CSMD1: variants seen among roughly 807,000 people sequenced by gnomAD.
The protein encoded by CSMD1 is CUB and sushi domain-containing protein 1.
A neutral mutation model predicts 417.5 loss-of-function variants in CSMD1; 213 were observed. The observed-to-expected ratio is 0.51, with a 90% CI of 0.46 to 0.57. CSMD1 has a LOEUF of 0.57. Ranked by LOEUF, CSMD1 falls within the 20% of genes least tolerant of loss-of-function variation. CSMD1 has a pLI of 0.00. For synonymous variants in CSMD1, 2,862 were observed against 1,736.8 expected, an observed-to-expected ratio of 1.65 and a Z score of -16.11; for missense variants, 6,923 against 4,529.7, an observed-to-expected ratio of 1.53 and a Z score of -15.17.
chr8:3,418,689 G>A (rs1163628834), intron 12 of CSMD1, among the ~76,000 whole-genome samples: 1 of 152,092 alleles, frequency 6.6e-6, no homozygotes, highest in Non-Finnish European at 1.5e-5. Flanking sequence ...CCCTGCACCA[G>A]AGCAAGAGAA....
chr8:4,358,666 G>A (rs866728803), intron 3 of CSMD1, among the ~76,000 whole-genome samples: 6 of 152,110 alleles, frequency 3.9e-5, no homozygotes, highest in Admixed American at 2.6e-4. Context: ...TGCTAACTTG[G>A]TATTTTGCAT....
At chr8:3,362,173 T>C (rs1468951177) in intron 20 of CSMD1, among the ~76,000 whole-genome samples, 1 of 152,108 alleles carries the variant, frequency 6.6e-6, no homozygotes, top group Non-Finnish European at 1.5e-5. Flanking sequence ...CAAAACAAAC[T>C]AACAACACCA....
At chr8:4,628,435 TACAC>T (rs1554528932) in intron 2 of CSMD1, among the ~76,000 whole-genome samples, 845 of 64,386 alleles carry the variant, frequency 0.013, 5 homozygotes, top group Middle Eastern at 0.056. Flanking sequence ...TATACACATA[TACAC>T]ATATATACAC....
chr8:3,588,385 G>T (rs1176884778), intron 8 of CSMD1, among the ~76,000 whole-genome samples: 1 of 152,160 alleles, frequency 6.6e-6, no homozygotes, highest in African/African-American at 2.4e-5. Context: ...TCCTCGGGTA[G>T]GAAGAGTTGG....
At chr8:3,977,628 C>A (rs953958966) in intron 5 of CSMD1, among the ~76,000 whole-genome samples, 1 of 152,130 alleles carries the variant, frequency 6.6e-6, no homozygotes, top group Admixed American at 6.5e-5. Flanking sequence ...AAGAGCATTG[C>A]CACTCTTGAG....
At chr8:4,702,388 A>C (rs1309514510) in intron 1 of CSMD1, among the ~76,000 whole-genome samples, 1 of 152,206 alleles carries the variant, frequency 6.6e-6, no homozygotes, top group Non-Finnish European at 1.5e-5. Flanking sequence ...CCAAGAATTG[A>C]CTTTTGAACA....
intron 9 of CSMD1, among the ~76,000 whole-genome samples, chr8:3,581,941 A>T (rs1352697244): frequency 6.6e-6 from 1 of 152,098 alleles, no homozygotes; most frequent in Non-Finnish European, 1.5e-5. Context: ...AGTAGCTGGG[A>T]TTATAGGCAT....
At chr8:3,982,198 A>AAT (rs1563281393) in intron 5 of CSMD1, among the ~76,000 whole-genome samples, 3 of 81,020 alleles carry the variant, frequency 3.7e-5, no homozygotes, top group Admixed American at 1.5e-4. Flanking sequence ...AATATTAATA[A>AAT]AAAAAATAAT....
intron 2 of CSMD1, among the ~76,000 whole-genome samples, chr8:4,584,700 G>A (rs1054577036): frequency 4.6e-5 from 7 of 152,110 alleles, no homozygotes; most frequent in African/African-American, 1.7e-4. Context: ...AGCCAGACTT[G>A]CCCATCTATC....
intron 5 of CSMD1, among the ~76,000 whole-genome samples, chr8:3,810,717 A>C (rs1318635021): frequency 2.6e-5 from 4 of 152,172 alleles, no homozygotes; most frequent in Admixed American, 2.6e-4. Flanking sequence ...TAAAACATTG[A>C]ATTTGTTATG....
At position 4,663,592 on chromosome 8, in the gene CSMD1, C is replaced by T. The variant is rs146364582; in HGVS notation, c.86-26034G>A. Among the ~76,000 whole-genome samples the T allele has an allele frequency of 2.8e-4, 43 of 152,262 alleles. 1 individual carries two copies. In the East Asian group the frequency reaches 8.3e-3, roughly 30 times the overall value. On this transcript the variant is annotated intron_variant, in intron 1 of 69. Transcript: ENST00000635120. ...TGCATGACAACTCTCCCTTCACTCT[C>T]TTCCTCTTGCTCCAGCCAAGGAAGA...
chr8:3,173,043 T>C (rs60751086), intron 37 of CSMD1, among the ~76,000 whole-genome samples: 2,184 of 152,250 alleles, frequency 0.014, 61 homozygotes, highest in African/African-American at 0.05. Flanking sequence ...GTCAAATACA[T>C]TAGAACTTGA....
intron 1 of CSMD1, among the ~76,000 whole-genome samples, chr8:4,958,400 A>T (rs986810501): frequency 1.3e-5 from 2 of 152,174 alleles, no homozygotes; most frequent in African/African-American, 4.8e-5. Flanking sequence ...AGCAATTGAC[A>T]TTTCTTCAAA....
intron 2 of CSMD1, among the ~76,000 whole-genome samples, chr8:4,628,178 A>G (rs1396635108): frequency 6.6e-6 from 1 of 151,406 alleles, no homozygotes. Context: ...GATTTTTAAA[A>G]TTTTTCTTGC....
At chr8:4,872,378 T>C (rs935713003) in intron 1 of CSMD1, among the ~76,000 whole-genome samples, 2 of 152,102 alleles carry the variant, frequency 1.3e-5, no homozygotes, top group Non-Finnish European at 1.5e-5. Flanking sequence ...AATTGAATCA[T>C]GGGAGTGGTT....
At chr8:3,241,725 C>A (rs890576151) in intron 26 of CSMD1, among the ~76,000 whole-genome samples, 1 of 152,100 alleles carries the variant, frequency 6.6e-6, no homozygotes, top group African/African-American at 2.4e-5. Context: ...CTGGCCGCTG[C>A]GGTTCAGGCA....
intron 3 of CSMD1, among the ~76,000 whole-genome samples, chr8:4,050,992 G>T (rs1050242467): frequency 6.6e-6 from 1 of 152,044 alleles, no homozygotes; most frequent in Admixed American, 6.6e-5. Flanking sequence ...GGAGTGACAT[G>T]CCCTACTTTT....
chr8:4,924,423 C>G (rs1806713407), intron 1 of CSMD1, among the ~76,000 whole-genome samples: 1 of 151,966 alleles, frequency 6.6e-6, no homozygotes. Flanking sequence ...TAATAGTAAA[C>G]ATAAGTATAA....
intron 7 of CSMD1, among the ~76,000 whole-genome samples, chr8:3,643,258 G>T (rs541175946): frequency 6.6e-6 from 1 of 151,990 alleles, no homozygotes; most frequent in African/African-American, 2.4e-5. Flanking sequence ...ACAAAGAGAA[G>T]ATTCCAAAAG....
Sources: gnomAD v4.1 joint callset for allele counts (sites outside exome capture counted in the v4.1 genomes callset) on GRCh38, gnomAD v4.1.1 for gene constraint, MANE v1.5 for transcripts, NCBI Gene and HGNC (gene_info 2026-07-23, HGNC 2026-07-21) for gene names.